Variants in CDH19 observed in about 807,000 individuals in gnomAD.
The protein encoded by CDH19 is cadherin 19.
A neutral mutation model predicts 64.2 loss-of-function variants in CDH19; 67 were observed. The observed-to-expected ratio is 1.04, with a 90% CI of 0.86 to 1.28. The LOEUF is 1.28. Among genes scored for constraint, CDH19 ranks in the 50% most tolerant of loss-of-function variants. The pLI is 0.00. For synonymous variants in CDH19, 346 were observed against 319.3 expected (o/e 1.08, Z -0.89); for missense variants, 1,030 against 929.0 (o/e 1.11, Z -1.41).
At chr18:66,534,198 G>A (rs1325369122) in intron 8 of CDH19, among the ~76,000 whole-genome samples, 1 of 151,916 alleles carries the variant, frequency 6.6e-6, no homozygotes, top group African/African-American at 2.4e-5. Flanking sequence ...CATTTCCTCT[G>A]TTACAGCGGG....
At chr18:66,557,819 T>C (rs991086282) in intron 3 of CDH19, among the ~76,000 whole-genome samples, 1 of 151,782 alleles carries the variant, frequency 6.6e-6, no homozygotes, top group Admixed American at 6.6e-5. Context: ...TACATGTATA[T>C]ATACACACAT....
At chr18:66,552,785 G>A (rs1230907957) in intron 4 of CDH19, among the ~76,000 whole-genome samples, 1 of 134,488 alleles carries the variant, frequency 7.4e-6, no homozygotes. Flanking sequence ...TAAAAAGTCA[G>A]TGTGCAGGGT....
rs1986606442 is a variant in CDH19 at position 66,535,075 on chromosome 18, A to T, written c.1247T>A (p.Ile416Asn). The T allele has an allele frequency of 1.3e-6, 2 of 1,501,986 alleles. No individual in the cohort carries two copies. Among genetic ancestry groups the T allele is most frequent in the Non-Finnish European group, 1.8e-6 (2 of 1,105,534 alleles). 93.0% of individuals were successfully genotyped at this position (1,501,986 alleles called of 1,614,324 possible). A position where few individuals can be genotyped will look rare whatever the true frequency, so the allele number is the denominator to read the frequency against. ...TGTAGTGATTGTACCATTATCATTG[A>T]TATTGAACACTTTGCTCCTAGTAAT... Reference protein sequence around the residue: ...YSITRSKVFNINDNGTITTSN... With the variant: ...YSITRSKVFNNNDNGTITTSN... The change falls in exon 8 of 12, where the codon ATC becomes AAC. Residue 416 changes from isoleucine (I) to asparagine (N), a missense_variant. Transcript: ENST00000262150.
chr18:66,534,350 A>C (rs1384888359), intron 8 of CDH19, among the ~76,000 whole-genome samples: 1 of 151,892 alleles, frequency 6.6e-6, no homozygotes, highest in Non-Finnish European at 1.5e-5. Context: ...CTTCCACTCC[A>C]CCATATCACC....
At position 66,501,401 on chromosome 18, in the gene CDH19, G is replaced by A. The variant is rs1409541289; in HGVS notation, c.*3411C>T. 1 of 152,220 alleles carries A rather than the reference G, an allele frequency of 6.6e-6. No homozygotes were observed. The highest frequency in any genetic ancestry group is 2.4e-5 in the African/African-American group (1 of 41,444). The allele number at this position is 152,220 out of a possible 1,614,324, so 9.4% of individuals were successfully genotyped here. On this transcript the variant is annotated 3_prime_UTR_variant, in exon 12 of 12. Coordinates refer to ENST00000262150, the MANE Select transcript of CDH19 (RefSeq NM_021153.4). ...AAGCAGCAGTGGTCTTTCTGAGGAA[G>A]TTGCAGCTGATCACCAACCTGAATG...
intron 1 of CDH19, among the ~76,000 whole-genome samples, chr18:66,575,475 A>T (rs1226246584): frequency 6.6e-6 from 1 of 151,848 alleles, no homozygotes; most frequent in Non-Finnish European, 1.5e-5. Context: ...CCCTTCAGAG[A>T]ATGCAATGCA....
At chr18:66,580,521 G>C (rs934255018) in intron 1 of CDH19, among the ~76,000 whole-genome samples, 1 of 152,048 alleles carries the variant, frequency 6.6e-6, no homozygotes, top group Admixed American at 6.6e-5. Context: ...TAATTACAAT[G>C]ATTGAAATAA....
At chr18:66,534,353 A>AT (rs1212575508) in intron 8 of CDH19, among the ~76,000 whole-genome samples, 2 of 151,928 alleles carry the variant, frequency 1.3e-5, no homozygotes, top group African/African-American at 2.4e-5. Context: ...CCACTCCACC[A>AT]TATCACCTGC....
At chr18:66,593,505 G>T (rs79321872) in intron 1 of CDH19, among the ~76,000 whole-genome samples, 4,039 of 152,056 alleles carry the variant, frequency 0.027, 193 homozygotes, top group African/African-American at 0.092. Context: ...GATATTTGGA[G>T]ACTTGCATAG....
intron 1 of CDH19, among the ~76,000 whole-genome samples, chr18:66,592,632 G>A (rs1199410214): frequency 6.6e-6 from 1 of 151,714 alleles, no homozygotes; most frequent in South Asian, 2.1e-4. Context: ...GTTAGAACTT[G>A]CAGTGTTTAT....
chr18:66,509,984 A>G (rs143525678), intron 10 of CDH19, among the ~76,000 whole-genome samples: 1 of 151,964 alleles, frequency 6.6e-6, no homozygotes, highest in East Asian at 1.9e-4. Flanking sequence ...AAAACAAACA[A>G]TAAGCACTTC....
chr18:66,524,303 T>C (rs1986121736), intron 9 of CDH19, among the ~76,000 whole-genome samples: 1 of 151,932 alleles, frequency 6.6e-6, no homozygotes, highest in East Asian at 1.9e-4. Context: ...CTGGTCCTTT[T>C]TAAAGAGTAG....
rs181002101 is a variant in CDH19 at position 66,568,779 on chromosome 18, C to A, written c.196-69G>T. ...ATGGACAAATCAAAATCAAGATTTT[C>A]TTTTTATGTATGTTAATTATTCCCC... On this transcript the variant is annotated intron_variant, in intron 2 of 11. Coordinates refer to ENST00000262150, the MANE Select transcript of CDH19 (RefSeq NM_021153.4). The A allele has an allele frequency of 2.2e-4, 279 of 1,284,188 alleles. No homozygotes were observed. In the African/African-American group the frequency reaches 3.7e-3, roughly 17 times the overall value. The allele number at this position is 1,284,188 out of a possible 1,614,324, so 79.5% of individuals were successfully genotyped here.
chr18:66,526,748 A>G (rs1275435705), intron 9 of CDH19, among the ~76,000 whole-genome samples: 1 of 152,036 alleles, frequency 6.6e-6, no homozygotes, highest in Non-Finnish European at 1.5e-5. Context: ...ATATATTTAA[A>G]AGACATGTAA....
chr18:66,551,498 A>G (rs183946933), intron 4 of CDH19, among the ~76,000 whole-genome samples: 8 of 152,176 alleles, frequency 5.3e-5, no homozygotes, highest in African/African-American at 1.9e-4. Flanking sequence ...CTATGTTAAG[A>G]TAATCCACAG....
In CDH19 at chr18:66,535,690, A is replaced by T. The variant is rs571531393; in HGVS notation, c.1215-583T>A. On this transcript the variant is annotated intron_variant, in intron 7 of 11. Coordinates refer to ENST00000262150, the MANE Select transcript of CDH19 (RefSeq NM_021153.4). ...TATTTTACATTTTATAACACATGAC[A>T]TATTTTATTACATATATAACATATT... Among the ~76,000 whole-genome samples, 490 of 146,910 alleles carry T rather than the reference A, an allele frequency of 3.3e-3. 1 individual carries two copies. Among genetic ancestry groups the T allele is most frequent in the African/African-American group, 0.012 (472 of 40,636 alleles).
At chr18:66,580,650 C>A (rs2144601617) in intron 1 of CDH19, among the ~76,000 whole-genome samples, 1 of 152,082 alleles carries the variant, frequency 6.6e-6, no homozygotes, top group Non-Finnish European at 1.5e-5. Context: ...ATTTTTCTAC[C>A]AAGTGCTATT....
intron 2 of CDH19, among the ~76,000 whole-genome samples, chr18:66,569,948 C>T (rs578103559): frequency 3.3e-5 from 5 of 151,690 alleles, no homozygotes; most frequent in Middle Eastern, 3.4e-3. Flanking sequence ...TCTGAAGGTA[C>T]TAGTAACTAA....
chr18:66,541,398 A>G (rs1004004812), intron 7 of CDH19, among the ~76,000 whole-genome samples: 17 of 152,132 alleles, frequency 1.1e-4, no homozygotes, highest in African/African-American at 4.1e-4. Flanking sequence ...TAAAGAAGAG[A>G]TATTATCAAA....
Sources: allele counts gnomAD v4.1 joint callset (sites outside exome capture counted in the v4.1 genomes callset), GRCh38; gene constraint gnomAD v4.1.1; transcripts MANE v1.5; gene names NCBI Gene and HGNC (gene_info 2026-07-23, HGNC 2026-07-21).